The following LYST variants were observed in gnomAD, a reference collection of about 807,000 sequenced individuals.
The protein encoded by LYST is lysosomal trafficking regulator.
In LYST, 192 loss-of-function variants were observed where a neutral mutation model predicts 413.6. The observed-to-expected ratio is 0.46, with a 90% CI of 0.41 to 0.52. LYST has a LOEUF of 0.52. Among genes scored for constraint, LYST ranks in the 20% least tolerant of loss-of-function variants. The probability of loss-of-function intolerance (pLI) is 0.00; values close to 1 mark genes in which losing one functional copy is unlikely to be tolerated. For synonymous variants in LYST, 1,525 were observed against 1,567.3 expected (o/e 0.97, Z 0.64); for missense variants, 3,815 against 4,499.9 (o/e 0.85, Z 4.35).
At chr1:235,734,684 A>G (rs1476097623) in intron 31 of LYST, 25 bp from the exon 32 acceptor site, 3 of 1,514,742 alleles carry the variant, frequency 2.0e-6, no homozygotes, top group African/African-American at 1.4e-5. Context: ...ATAATTTTTT[A>G]GTCATTTAGA....
chr1:235,828,410 G>C (rs569849984), intron 3 of LYST, among the ~76,000 whole-genome samples: 1 of 152,098 alleles, frequency 6.6e-6, no homozygotes, highest in Non-Finnish European at 1.5e-5. Context: ...CATAAAATGG[G>C]TGAATTTTAA....
At chr1:235,730,336 GAGA>G (rs1664254187) in intron 36 of LYST, among the ~76,000 whole-genome samples, 1 of 151,952 alleles carries the variant, frequency 6.6e-6, no homozygotes, top group African/African-American at 2.4e-5. Context: ...TGAGGTAACT[GAGA>G]CAGAGAGGTT....
chr1:235,845,403 G>C (rs1451300144), intron 1 of LYST, among the ~76,000 whole-genome samples: 1 of 152,200 alleles, frequency 6.6e-6, no homozygotes, highest in East Asian at 1.9e-4. Flanking sequence ...AGGGTGGCTA[G>C]AGGAGCAGGG....
At chr1:235,729,741 A>G in intron 36 of LYST, 84 bp from the exon 37 acceptor site, 1 of 972,184 alleles carries the variant, frequency 1.0e-6, no homozygotes, top group Non-Finnish European at 1.6e-6. Flanking sequence ...CTAGTAAAAG[A>G]TTTCTGCAAA....
At position 235,734,583 on chromosome 1, in the gene LYST, C is replaced by T. The variant is rs1252973559; in HGVS notation, c.8435G>A (p.Gly2812Asp). 6.2e-7 allele frequency: 1 copy of T among 1,613,082 alleles called. No homozygotes were observed. The highest frequency in any genetic ancestry group is 1.3e-5 in the African/African-American group (1 of 74,900). ...HQGELTEEEL[G>D]TAELLMNALK... ...AGCATTCATAAGCAGTTCTGCTGTG[C>T]CTAGCTCTTCTTCAGTCAATTCACC... Residue 2812 changes from glycine (G) to aspartate (D), a missense_variant, in exon 32 of 53, where the codon GGC becomes GAC. Around this residue, in one of 4 missense-constraint regions of LYST, gnomAD observed 771 missense variants for 837.1 expected, o/e 0.92. Transcript: ENST00000389793.
chr1:235,721,987 AG>A (rs1162869248), intron 39 of LYST, among the ~76,000 whole-genome samples: 1 of 152,114 alleles, frequency 6.6e-6, no homozygotes, highest in Non-Finnish European at 1.5e-5. Context: ...GTGGAGAGGG[AG>A]GGGTGGCTAC....
rs75013708 is a variant in LYST at position 235,676,517 on chromosome 1, C to A, written c.11038+574G>T. Among the ~76,000 whole-genome samples the A allele has an allele frequency of 5.8e-4, 89 of 152,334 alleles. 2 individuals carry two copies. In the East Asian group the frequency reaches 0.017, roughly 28 times the overall value. ...AGGAAGTTCCTTCTGCTTTAATCCT[C>A]TAAGGAAAGTAACTGTGGAATGATC... On this transcript the variant is annotated intron_variant, in intron 50 of 52. Transcript: ENST00000389793.
At position 235,662,945 on chromosome 1, in the gene LYST, C is replaced by G. The variant is rs764016310; in HGVS notation, c.11401G>C (p.Gly3801Arg). ...FYSFLSSYAA[G>R] The stretch of plus-strand genomic sequence containing the variant: ...AACGTGAAGTTCATTCGCATTCACC[C>G]GGCTGCATAGCTGCTAAGGAAGGAA... Residue 3801 changes from glycine to arginine, a missense_variant, in exon 53 of 53, where the codon GGG becomes CGG. Gly to Arg is a moderately radical substitution (Grantham distance 125, BLOSUM62 -2). Transcript: ENST00000389793. 11 of 1,538,070 alleles carry G rather than the reference C, an allele frequency of 7.2e-6. No homozygotes were observed. The African/African-American group carries it at 1.4e-4, about 19-fold the overall frequency.
intron 3 of LYST, among the ~76,000 whole-genome samples, chr1:235,815,504 A>T (rs1673956576): frequency 6.6e-6 from 1 of 152,166 alleles, no homozygotes; most frequent in Non-Finnish European, 1.5e-5. Flanking sequence ...CAAGTATATG[A>T]AGTGCTGGGA....
Position 235,733,902 on chromosome 1 carries a change from T to C in LYST, c.8540A>G (p.Gln2847Arg). 1.3e-6 allele frequency: 2 copies of C among 1,550,388 alleles called. No homozygotes were observed. The highest frequency in any genetic ancestry group is 2.2e-5 in the East Asian group (1 of 44,484). Residue 2847 changes from glutamine (Q) to arginine (R), a missense_variant, in exon 33 of 53, where the codon CAA becomes CGA. This residue lies in a region of LYST where 771 missense variants were observed against 837.1 expected (regional missense o/e 0.92). Coordinates refer to ENST00000389793, the MANE Select transcript of LYST (RefSeq NM_000081.4). Reference protein sequence around the residue: ...ADLIKMIKEEQKKYETEEGVN... With the variant: ...ADLIKMIKEERKKYETEEGVN... ...TCCTTCTTCAGTTTCATATTTCTTT[T>C]GTTCCTAGAAGATTTAGATAATAAT...
chr1:235,839,168 C>CT (rs1676918785), intron 1 of LYST, among the ~76,000 whole-genome samples: 1 of 151,542 alleles, frequency 6.6e-6, no homozygotes, highest in Non-Finnish European at 1.5e-5. Flanking sequence ...GTCAGCCCAA[C>CT]TTTTTCAAAA....
chr1:235,819,260 G>T (rs1052462245), intron 3 of LYST, among the ~76,000 whole-genome samples: 1 of 152,048 alleles, frequency 6.6e-6, no homozygotes, highest in African/African-American at 2.4e-5. Flanking sequence ...AATCCTCTGG[G>T]TGCATTACTT....
chr1:235,852,483 C>T (rs551981865), intron 1 of LYST, among the ~76,000 whole-genome samples: 5 of 152,062 alleles, frequency 3.3e-5, no homozygotes, highest in African/African-American at 4.8e-5. Context: ...ACCTTTTTCC[C>T]GGGGAAGTCT....
intron 3 of LYST, chr1:235,830,022 A>G: frequency 1.8e-6 from 1 of 555,902 alleles, no homozygotes; most frequent in Non-Finnish European, 3.2e-6. Flanking sequence ...TAGGCAATTC[A>G]TAATTCTAAG....
chr1:235,671,160 A>G (rs1658911835), intron 50 of LYST, among the ~76,000 whole-genome samples: 1 of 152,158 alleles, frequency 6.6e-6, no homozygotes, highest in African/African-American at 2.4e-5. Context: ...CTGGTCTCAA[A>G]CTCTTGACCT....
intron 1 of LYST, among the ~76,000 whole-genome samples, chr1:235,864,369 C>G (rs1329343695): frequency 2.0e-5 from 3 of 152,154 alleles, no homozygotes; most frequent in African/African-American, 7.2e-5. Context: ...CTACTCCTCT[C>G]GTAAACCTAA....
At chr1:235,794,359 C>T (rs1434895150) in intron 10 of LYST, among the ~76,000 whole-genome samples, 1 of 152,110 alleles carries the variant, frequency 6.6e-6, no homozygotes, top group African/African-American at 2.4e-5. Context: ...TTAAATACCA[C>T]AAACTATTTA....
chr1:235,853,380 A>G (rs1447028641), intron 1 of LYST, among the ~76,000 whole-genome samples: 1 of 152,184 alleles, frequency 6.6e-6, no homozygotes, highest in African/African-American at 2.4e-5. Context: ...TATGGAAATA[A>G]ATGGTTGTGC....
At position 235,783,275 on chromosome 1, in the gene LYST, G is replaced by GT. The variant is rs76048582; in HGVS notation, c.4863-1189dup. Among the ~76,000 whole-genome samples, 254 of 145,268 alleles carry GT rather than the reference G, an allele frequency of 1.7e-3. 2 individuals carry two copies. The East Asian group carries it at 0.027, about 15-fold the overall frequency. ...AACATATAAACTTAACTATTTTAAT[G>GT]TTTTTTTTTTTAATAAAGGAAAGAT... On this transcript the variant is annotated intron_variant, in intron 14 of 52. Transcript: ENST00000389793.
Sources: allele counts gnomAD v4.1 joint callset (sites outside exome capture counted in the v4.1 genomes callset), GRCh38; gene constraint gnomAD v4.1.1; regional missense constraint gnomAD v4.1.1; transcripts MANE v1.5; gene names NCBI Gene and HGNC (gene_info 2026-07-23, HGNC 2026-07-21).